The following MSR1 variants were observed in gnomAD, a reference collection of about 807,000 sequenced individuals.
The protein encoded by MSR1 is macrophage scavenger receptor 1.
A neutral mutation model predicts 47.2 loss-of-function variants in MSR1; 53 were observed. The observed-to-expected ratio is 1.12, with a 90% CI of 0.90 to 1.41. The LOEUF is 1.41. Ranked by LOEUF, MSR1 falls within the 40% of genes most tolerant of loss-of-function variation. The pLI is 0.00. For missense variants in MSR1, 786 were observed against 546.9 expected, an observed-to-expected ratio of 1.44 and a Z score of -4.36; for synonymous variants, 239 against 185.6, an observed-to-expected ratio of 1.29 and a Z score of -2.34.
intron 8 of MSR1, among the ~76,000 whole-genome samples, chr8:16,130,348 G>A (rs1435642040): frequency 1.3e-5 from 2 of 152,070 alleles, no homozygotes; most frequent in Non-Finnish European, 2.9e-5. Context: ...GTGTCTTTGT[G>A]TCACATTTTG....
intron 8 of MSR1, among the ~76,000 whole-genome samples, chr8:16,127,008 G>C (rs915484075): frequency 6.6e-6 from 1 of 152,036 alleles, no homozygotes; most frequent in Non-Finnish European, 1.5e-5. Context: ...ACACATTATA[G>C]GTATTATTGA....
intron 9 of MSR1, among the ~76,000 whole-genome samples, chr8:16,117,374 T>C (rs1799901043): frequency 6.6e-6 from 1 of 152,014 alleles, no homozygotes; most frequent in Non-Finnish European, 1.5e-5. Context: ...AAATAAAGAT[T>C]AACATTAGCA....
intron 8 of MSR1, among the ~76,000 whole-genome samples, chr8:16,136,993 A>G (rs991875727): frequency 6.6e-6 from 1 of 152,096 alleles, no homozygotes; most frequent in Non-Finnish European, 1.5e-5. Context: ...AGGTACACTC[A>G]GTTCTGCTAA....
intron 9 of MSR1, among the ~76,000 whole-genome samples, chr8:16,115,392 A>G (rs1799854998): frequency 6.6e-6 from 1 of 152,032 alleles, no homozygotes; most frequent in South Asian, 2.1e-4. Flanking sequence ...TCTTGAGTGA[A>G]ACTGTGAATT....
intron 9 of MSR1, among the ~76,000 whole-genome samples, chr8:16,112,193 A>T (rs998317404): frequency 3.9e-5 from 6 of 152,198 alleles, no homozygotes; most frequent in Non-Finnish European, 5.9e-5. Flanking sequence ...GTCTTTTGCT[A>T]TGTGGAACAG....
At chr8:16,178,074 C>T (rs1013631881) in intron 1 of MSR1, 82 bp from the exon 2 acceptor site, 1 of 1,078,102 alleles carries the variant, frequency 9.3e-7, no homozygotes, top group Non-Finnish European at 1.4e-6. Context: ...ACTGAAATTT[C>T]AGTTTGAAAT....
intron 1 of MSR1, chr8:16,186,032 G>T (rs958212768): frequency 3.0e-5 from 23 of 779,232 alleles, no homozygotes; most frequent in Non-Finnish European, 4.7e-5. Flanking sequence ...TCCATAACCT[G>T]CCACATAGAA....
chr8:16,183,253 C>A (rs1239126666), intron 1 of MSR1, among the ~76,000 whole-genome samples: 1 of 151,984 alleles, frequency 6.6e-6, no homozygotes, highest in Non-Finnish European at 1.5e-5. Context: ...AAATAAACAG[C>A]TCAGATTATT....
At chr8:16,169,014 T>A (rs1369032244) in intron 3 of MSR1, 144 bp from the exon 4 acceptor site, 17 of 793,890 alleles carry the variant, frequency 2.1e-5, no homozygotes, top group East Asian at 1.1e-4. Flanking sequence ...TATTTTTTTT[T>A]AATCTACAAC....
chr8:16,156,257 G>A (rs1248020347), intron 5 of MSR1, among the ~76,000 whole-genome samples: 13 of 151,902 alleles, frequency 8.6e-5, no homozygotes, highest in African/African-American at 3.1e-4. Context: ...ATAGTCCAAG[G>A]AAAACAAATA....
At chr8:16,149,080 A>G (rs1290312690) in intron 7 of MSR1, among the ~76,000 whole-genome samples, 1 of 152,154 alleles carries the variant, frequency 6.6e-6, no homozygotes, top group Non-Finnish European at 1.5e-5. Flanking sequence ...CAGTGAAACT[A>G]TTCTGTCTAA....
intron 3 of MSR1, among the ~76,000 whole-genome samples, chr8:16,171,134 G>T (rs1305561765): frequency 6.8e-6 from 1 of 147,762 alleles, no homozygotes; most frequent in Non-Finnish European, 1.5e-5. Context: ...TGAGGCAGGA[G>T]AATTGCTTGA....
intron 9 of MSR1, among the ~76,000 whole-genome samples, chr8:16,113,938 G>C (rs115226500): frequency 0.026 from 2,799 of 109,144 alleles, 84 homozygotes; most frequent in African/African-American, 0.092. Context: ...ACGTAAATTT[G>C]TACAACTTTG....
At chr8:16,149,133 A>C (rs995678768) in intron 7 of MSR1, among the ~76,000 whole-genome samples, 4 of 152,142 alleles carry the variant, frequency 2.6e-5, no homozygotes, top group African/African-American at 9.7e-5. Context: ...CTGCTGAAAC[A>C]CATAAAATGT....
chr8:16,181,163 C>G (rs528083713), intron 1 of MSR1, among the ~76,000 whole-genome samples: 1 of 151,984 alleles, frequency 6.6e-6, no homozygotes, highest in Non-Finnish European at 1.5e-5. Flanking sequence ...TAGCAAAATT[C>G]ACTTTAAAAT....
At chr8:16,136,479 C>G (rs138681677) in intron 8 of MSR1, among the ~76,000 whole-genome samples, 10 of 151,862 alleles carry the variant, frequency 6.6e-5, no homozygotes, top group African/African-American at 2.4e-4. Flanking sequence ...AAAAATTTGT[C>G]TGGCATGTTT....
chr8:16,141,005 A>G lies in MSR1; in HGVS notation c.1033+2553T>C, dbSNP rs185859225. 46 of 1,613,828 alleles carry G rather than the reference A, an allele frequency of 2.9e-5. No individual in the cohort carries two copies. The African/African-American group carries it at 5.7e-4, about 20-fold the overall frequency. ...GTCCCGCCCAACCCACCTGATCTTAAGAGGGCCCTGCCCTAATATGATCAG... is the reference window on the plus strand; with the variant it reads ...GTCCCGCCCAACCCACCTGATCTTAGGAGGGCCCTGCCCTAATATGATCAG... On this transcript the variant is annotated intron_variant, in intron 8 of 9. Coordinates refer to ENST00000262101, the MANE Select transcript of MSR1 (RefSeq NM_138715.3).
intron 8 of MSR1, among the ~76,000 whole-genome samples, chr8:16,135,761 T>C (rs1320517442): frequency 2.6e-5 from 4 of 152,128 alleles, no homozygotes; most frequent in African/African-American, 7.2e-5. Flanking sequence ...TTATAATTCA[T>C]GGGAGAAGGT....
At chr8:16,181,731 T>C (rs1201689878) in intron 1 of MSR1, among the ~76,000 whole-genome samples, 1 of 151,792 alleles carries the variant, frequency 6.6e-6, no homozygotes, top group Non-Finnish European at 1.5e-5. Flanking sequence ...CAAACCACCA[T>C]GGCATGTGTA....
Sources: gnomAD v4.1 joint callset for allele counts (sites outside exome capture counted in the v4.1 genomes callset) on GRCh38, gnomAD v4.1.1 for gene constraint, MANE v1.5 for transcripts, NCBI Gene and HGNC (gene_info 2026-07-23, HGNC 2026-07-21) for gene names.